The following CYB5R4 variants were observed in gnomAD, a reference collection of about 807,000 sequenced individuals.
CYB5R4 encodes N-terminal cytochrome b5 and cytochrome b5 oxidoreductase domain-containing protein.
In CYB5R4, 55 loss-of-function variants were observed where a neutral mutation model predicts 70.2. The observed-to-expected ratio is 0.78, with a 90% CI of 0.63 to 0.98. The LOEUF (loss-of-function observed/expected upper bound fraction) is 0.98. CYB5R4 is among the 50% of genes least tolerant of loss of function. CYB5R4 has a pLI of 0.00. For missense variants in CYB5R4, 562 were observed against 612.6 expected, an observed-to-expected ratio of 0.92 and a Z score of 0.87; for synonymous variants, 197 against 199.5, an observed-to-expected ratio of 0.99 and a Z score of 0.11.
At chr6:83,954,915 G>T (rs7450318) in intron 14 of CYB5R4, among the ~76,000 whole-genome samples, 34 of 145,946 alleles carry the variant, frequency 2.3e-4, no homozygotes, top group East Asian at 8.0e-4. Context: ...TTGTTTTTGG[G>T]TTTTTTTTTT....
intron 15 of CYB5R4, among the ~76,000 whole-genome samples, chr6:83,957,590 C>T (rs1338700627): frequency 6.9e-6 from 1 of 144,744 alleles, no homozygotes; most frequent in Admixed American, 7.2e-5. Context: ...CCATTGCACT[C>T]CAGCCTGGGC....
At chr6:83,894,047 C>G (rs1383006815) in intron 3 of CYB5R4, among the ~76,000 whole-genome samples, 1 of 152,126 alleles carries the variant, frequency 6.6e-6, no homozygotes, top group Non-Finnish European at 1.5e-5. Flanking sequence ...TATATTCAGC[C>G]TACTGCTATA....
chr6:83,903,426 G>T (rs185166665), intron 3 of CYB5R4, among the ~76,000 whole-genome samples: 42 of 152,012 alleles, frequency 2.8e-4, no homozygotes, highest in Non-Finnish European at 5.0e-4. Flanking sequence ...TTTGGCTAGT[G>T]TTTTCTTGAC....
rs1233077751 is a variant in CYB5R4, at chr6:83,964,777, G to A, written c.*4899G>A. On this transcript the variant is annotated 3_prime_UTR_variant, in exon 16 of 16. Coordinates refer to ENST00000369681, the MANE Select transcript of CYB5R4 (RefSeq NM_016230.4). ...ACCTGGAGGTCTAGGAAGAAAAAAT[G>A]GTAAAAATGGTTTTGTGGGCAAGGC... The A allele has an allele frequency of 6.6e-6, 1 of 152,162 alleles. No homozygotes were observed. Among genetic ancestry groups the A allele is most frequent in the Non-Finnish European group, 1.5e-5 (1 of 68,042 alleles). 9.4% of individuals were successfully genotyped at this position (152,162 alleles called of 1,614,324 possible). A position where few individuals can be genotyped will look rare whatever the true frequency, so the allele number is the denominator to read the frequency against.
At chr6:83,879,402 A>G (rs2099459100) in intron 2 of CYB5R4, among the ~76,000 whole-genome samples, 1 of 152,148 alleles carries the variant, frequency 6.6e-6, no homozygotes, top group African/African-American at 2.4e-5. Context: ...GCCTAGTGTC[A>G]GTGCAGGATA....
At chr6:83,883,164 A>G (rs934528369) in intron 2 of CYB5R4, among the ~76,000 whole-genome samples, 1 of 152,220 alleles carries the variant, frequency 6.6e-6, no homozygotes, top group Non-Finnish European at 1.5e-5. Flanking sequence ...AGATGAATAT[A>G]AATGTCAAAT....
At position 83,909,943 on chromosome 6, in the gene CYB5R4, A is replaced by G. The variant is rs1301617122; in HGVS notation, c.412+853A>G. The G allele has an allele frequency of 4.6e-6, 6 of 1,311,628 alleles. No homozygotes were observed. The East Asian group carries it at 1.0e-4, about 22-fold the overall frequency. 81.2% of individuals were successfully genotyped at this position (1,311,628 alleles called of 1,614,324 possible). A position where few individuals can be genotyped will look rare whatever the true frequency, so the allele number is the denominator to read the frequency against. On this transcript the variant is annotated intron_variant, in intron 4 of 15. Transcript: ENST00000369681. ...AAGGATTTTCTGGCCTAAAATGTTA[A>G]TAGTGTTGAAGTAGAGAAACCATCT...
rs190868775 is a variant in CYB5R4, at chr6:83,885,224, A to C, written c.230-8298A>C. ...CTTAATAGATGACGACTGTATTCTC[A>C]TGGCATCTTCGATATTCTATCTTAT... On this transcript the variant is annotated intron_variant, in intron 2 of 15. Coordinates refer to ENST00000369681, the MANE Select transcript of CYB5R4 (RefSeq NM_016230.4). Among the ~76,000 whole-genome samples, 14 of 152,348 alleles carry C rather than the reference A, an allele frequency of 9.2e-5. No individual in the cohort carries two copies. The East Asian group carries it at 2.7e-3, about 29-fold the overall frequency.
intron 2 of CYB5R4, among the ~76,000 whole-genome samples, chr6:83,872,824 A>G (rs2099457849): frequency 6.6e-6 from 1 of 152,196 alleles, no homozygotes; most frequent in Admixed American, 6.5e-5. Flanking sequence ...CTAGGTCACA[A>G]ACTGCATCCT....
chr6:83,888,482 A>G (rs894171508), intron 2 of CYB5R4, among the ~76,000 whole-genome samples: 2 of 152,104 alleles, frequency 1.3e-5, no homozygotes, highest in African/African-American at 4.8e-5. Context: ...TTATTATTGT[A>G]TCTCTTATGA....
intron 14 of CYB5R4, among the ~76,000 whole-genome samples, chr6:83,949,421 G>A (rs1301066804): frequency 6.6e-6 from 1 of 152,110 alleles, no homozygotes; most frequent in East Asian, 1.9e-4. Flanking sequence ...TTCTAATATA[G>A]TAAATCATCA....
intron 1 of CYB5R4, among the ~76,000 whole-genome samples, chr6:83,862,716 G>C (rs2099456162): frequency 6.6e-6 from 1 of 152,040 alleles, no homozygotes; most frequent in Non-Finnish European, 1.5e-5. Context: ...AGGAGGGAGA[G>C]CCTGTGATTA....
chr6:83,945,894 G>C (rs2099470529), intron 14 of CYB5R4, among the ~76,000 whole-genome samples: 1 of 152,094 alleles, frequency 6.6e-6, no homozygotes, highest in South Asian at 2.1e-4. Context: ...TCCTTGAATA[G>C]ACCCAGTAAC....
intron 2 of CYB5R4, among the ~76,000 whole-genome samples, chr6:83,889,090 G>A (rs1409285731): frequency 6.6e-6 from 1 of 152,152 alleles, no homozygotes; most frequent in Non-Finnish European, 1.5e-5. Context: ...AACTAGCAAA[G>A]GTTGGTTCAT....
Position 83,960,275 on chromosome 6 carries a change from C to T in CYB5R4, c.*397C>T, listed in dbSNP as rs2099473123. 1 of 158,888 alleles carries T rather than the reference C, an allele frequency of 6.3e-6. No homozygotes were observed. Among genetic ancestry groups the T allele is most frequent in the African/African-American group, 2.4e-5 (1 of 41,476 alleles). The allele number at this position is 158,888 out of a possible 1,614,324, so 9.8% of individuals were successfully genotyped here. On this transcript the variant is annotated 3_prime_UTR_variant, in exon 16 of 16. Coordinates refer to ENST00000369681, the MANE Select transcript of CYB5R4 (RefSeq NM_016230.4). ...ATTAGCAATACAGATTAAATTTTAC[C>T]TTGCACTGTTAACTCAGGAAATGAT...
At chr6:83,944,014 C>T (rs560413594) in intron 14 of CYB5R4, among the ~76,000 whole-genome samples, 12 of 152,206 alleles carry the variant, frequency 7.9e-5, no homozygotes, top group East Asian at 3.9e-4. Context: ...AATACACTTC[C>T]GGATACTATC....
intron 3 of CYB5R4, among the ~76,000 whole-genome samples, chr6:83,896,509 A>G (rs554203097): frequency 2.6e-5 from 4 of 152,286 alleles, no homozygotes; most frequent in Middle Eastern, 3.4e-3. Flanking sequence ...ATGAGTGAAA[A>G]CATGCAGTAT....
intron 2 of CYB5R4, among the ~76,000 whole-genome samples, chr6:83,878,632 C>T (rs1180698335): frequency 6.6e-6 from 1 of 152,150 alleles, no homozygotes; most frequent in African/African-American, 2.4e-5. Context: ...AGGCGTGAGC[C>T]ACCGCGCCCA....
chr6:83,922,112 C>G (rs9359574), intron 8 of CYB5R4, among the ~76,000 whole-genome samples: 12,908 of 152,166 alleles, frequency 0.085, 891 homozygotes, highest in East Asian at 0.26. Flanking sequence ...TCAGGTGCTG[C>G]CTCTCCGTAG....
Sources: allele counts gnomAD v4.1 joint callset (sites outside exome capture counted in the v4.1 genomes callset), GRCh38; gene constraint gnomAD v4.1.1; transcripts MANE v1.5; gene names NCBI Gene and HGNC (gene_info 2026-07-23, HGNC 2026-07-21).